The following CPT1C variants were observed in gnomAD, a reference collection of about 807,000 sequenced individuals.
CPT1C encodes the protein palmitoyl thioesterase CPT1C.
Under a neutral mutation model 97.3 loss-of-function variants are expected in CPT1C, and 61 were observed. That is an observed-to-expected ratio of 0.63 (90% CI 0.51 to 0.78). CPT1C has a LOEUF of 0.78. Among genes scored for constraint, CPT1C ranks in the 30% least tolerant of loss-of-function variants. The pLI is 0.00. For missense variants in CPT1C, 975 were observed against 1,065.5 expected (o/e 0.92, Z 1.18); for synonymous variants, 469 against 447.2 (o/e 1.05, Z -0.61).
chr19:49,695,256 A>T (rs1313450353), intron 3 of CPT1C, among the ~76,000 whole-genome samples: 1 of 151,416 alleles, frequency 6.6e-6, no homozygotes. Flanking sequence ...ATATGATAAC[A>T]TTACATGGAG....
At chr19:49,696,036 C>T (rs562006807) in intron 3 of CPT1C, among the ~76,000 whole-genome samples, 1 of 152,148 alleles carries the variant, frequency 6.6e-6, no homozygotes, top group Non-Finnish European at 1.5e-5. Flanking sequence ...ACCACCACGC[C>T]TGGCTAATTT....
Position 49,705,974 on chromosome 19 carries a change from A to G in CPT1C, c.1030A>G (p.Met344Val), listed in dbSNP as rs781266367. ...AVFHRGRFFR[M>V]GTHSRNSLLS... is the part of the protein sequence containing the mutation. ...CTTCCACCGGGGCCGATTCTTCCGC[A>G]TGGGGACCCACTCCCGAAACAGCCT... Residue 344 changes from methionine (M) to valine (V), a missense_variant, in exon 11 of 20, where the codon ATG (methionine) becomes GTG (valine). Met to Val is a conservative substitution (Grantham distance 21, BLOSUM62 1). Coordinates refer to ENST00000598293, the MANE Select transcript of CPT1C (RefSeq NM_001199753.2). 1.9e-6 allele frequency: 3 copies of G among 1,613,910 alleles called. No individual in the cohort carries two copies. The highest frequency in any genetic ancestry group is 1.1e-5 in the South Asian group (1 of 91,062).
rs1455168549 is a variant in CPT1C, at chr19:49,702,082, T to TAA, written c.693+449_693+450insAA. On this transcript the variant is annotated intron_variant, in intron 7 of 19. Coordinates refer to ENST00000598293, the MANE Select transcript of CPT1C (RefSeq NM_001199753.2). ...TATATATTTATTTATAAATTATAAA[T>TAA]ATATATTTATTTATAAATTATAAAT... 1.4e-3 allele frequency among the ~76,000 whole-genome samples: 122 copies of TAA among 87,608 alleles called. 4 individuals carry two copies. The highest frequency in any genetic ancestry group is 1.9e-3 in the African/African-American group (33 of 17,444). 57.5% of individuals were successfully genotyped at this position (87,608 alleles called of 152,430 possible).
At position 49,707,575 on chromosome 19, in the gene CPT1C, C is replaced by T. The variant is rs144722270; in HGVS notation, c.1401C>T (p.Ser467=). The change falls in exon 13 of 20, where the codon AGC becomes AGT. Residue 467 remains serine (S), a synonymous_variant. Coordinates refer to ENST00000598293, the MANE Select transcript of CPT1C (RefSeq NM_001199753.2). ...TCTCTAACGGGAAGCTGGGCCTCAG[C>T]GTGGAGCACTCCTGGGCCGACTGCC... The part of the protein sequence containing the change: ...IVFSNGKLGL[S]VEHSWADCPI... 4,124 of 1,613,920 alleles carry T rather than the reference C, an allele frequency of 2.6e-3. 8 individuals carry two copies. The highest frequency in any genetic ancestry group is 2.9e-3 in the Non-Finnish European group (3,436 of 1,179,916).
chr19:49,708,798 C>A lies in CPT1C; in HGVS notation c.1525C>A (p.Leu509Ile), dbSNP rs751511012. Residue 509 changes from leucine to isoleucine, a missense_variant, in exon 14 of 20, where the codon CTA becomes ATA. Coordinates refer to ENST00000598293, the MANE Select transcript of CPT1C (RefSeq NM_001199753.2). ...GHCKGHPDPT[L>I]PQPQRLQWDL... ...CTGCAAGGGGCACCCGGACCCCACA[C>A]TACCCCAGCCCCAGCGGCTGCAATG... is the stretch of plus-strand genomic sequence containing the variant. 6.2e-7 allele frequency: 1 copy of A among 1,613,908 alleles called. No homozygotes were observed. Among genetic ancestry groups the A allele is most frequent in the Non-Finnish European group, 8.5e-7 (1 of 1,179,920 alleles).
intron 13 of CPT1C, 88 bp downstream of exon 13, chr19:49,707,711 A>G (rs766235121): frequency 2.3e-4 from 198 of 868,772 alleles, no homozygotes; most frequent in Non-Finnish European, 3.1e-4. Context: ...CAGAAGAAAA[A>G]CTGAGGCTTG....
chr19:49,700,519 G>A (rs1193042901), intron 4 of CPT1C, among the ~76,000 whole-genome samples, 165 bp from the exon 5 acceptor site: 1 of 152,166 alleles, frequency 6.6e-6, no homozygotes, highest in Non-Finnish European at 1.5e-5. Context: ...TGCCACAATG[G>A]GAGGGGGCTG....
At position 49,691,416 on chromosome 19, in the gene CPT1C, C is replaced by T. The variant is rs1055792006; in HGVS notation, c.-84+76C>T. 7.9e-5 allele frequency: 12 copies of T among 152,092 alleles called. No individual in the cohort carries two copies. The East Asian group carries it at 9.6e-4, about 12-fold the overall frequency. The allele number at this position is 152,092 out of a possible 1,614,324, so 9.4% of individuals were successfully genotyped here. On this transcript the variant is annotated intron_variant, in intron 1 of 19. Transcript: ENST00000598293. Reference sequence around the variant, plus strand: ...TGTCTAGGGTTGGGCGTGCAAGCCTCTCCATCACTTGTCCTCGACGCTCGC... The same window carrying T: ...TGTCTAGGGTTGGGCGTGCAAGCCTTTCCATCACTTGTCCTCGACGCTCGC...
chr19:49,693,013 C>T (rs1277164636), intron 3 of CPT1C, among the ~76,000 whole-genome samples: 39 of 152,150 alleles, frequency 2.6e-4, no homozygotes, highest in Admixed American at 2.6e-3. Flanking sequence ...CTCAGCCTCC[C>T]GAGTAGCTGG....
chr19:49,698,746 C>T (rs2082819864), intron 4 of CPT1C, among the ~76,000 whole-genome samples: 1 of 151,942 alleles, frequency 6.6e-6, no homozygotes, highest in Non-Finnish European at 1.5e-5. Flanking sequence ...ATTGTCAAGG[C>T]CTTCATCTGT....
Position 49,697,394 on chromosome 19 carries a change from G to T in CPT1C, c.210G>T (p.Gln70His). ...LSWLFLFSAI[Q>H]LAWFLQLDPS... ...GGCTTTTCCTCTTCAGTGCCATCCAGCTTGCCTGGTTCCTCCAGCTGGATC... is the reference window on the plus strand; with the variant it reads ...GGCTTTTCCTCTTCAGTGCCATCCATCTTGCCTGGTTCCTCCAGCTGGATC... Residue 70 changes from glutamine to histidine, a missense_variant, in exon 4 of 20, where the codon CAG becomes CAT. Physicochemically the swap from Gln to His is conservative, Grantham distance 24. Transcript: ENST00000598293. 1 of 1,614,160 alleles carries T rather than the reference G, an allele frequency of 6.2e-7. No homozygotes were observed. The highest frequency in any genetic ancestry group is 8.5e-7 in the Non-Finnish European group (1 of 1,180,026).
In CPT1C at chr19:49,704,747, C is replaced by G. The variant is rs2083404395; in HGVS notation, c.731C>G (p.Ser244Cys). ...TGGGAGGAATTTGTGTACCTGCGCT[C>G]CCGAAATCCGCTGATGGTGAACAGC... ...DWWEEFVYLR[S>C]RNPLMVNSNY... The change falls in exon 8 of 20, where the codon TCC (serine) becomes TGC (cysteine). Residue 244 changes from serine (S) to cysteine (C), a missense_variant. Around this residue, in one of 3 missense-constraint regions of CPT1C, gnomAD observed 596 missense variants for 603.1 expected, o/e 0.99. Coordinates refer to ENST00000598293, the MANE Select transcript of CPT1C (RefSeq NM_001199753.2). 6.2e-7 allele frequency: 1 copy of G among 1,613,928 alleles called. No homozygotes were observed. The highest frequency in any genetic ancestry group is 8.5e-7 in the Non-Finnish European group (1 of 1,180,024).
In CPT1C at chr19:49,702,074, A is replaced by T. The variant is rs1486108922; in HGVS notation, c.693+440A>T. On this transcript the variant is annotated intron_variant, in intron 7 of 19. Transcript: ENST00000598293. ...ATTATAAATATATATTTATTTATAA[A>T]TTATAAATATATATTTATTTATAAA... Among the ~76,000 whole-genome samples, 35 of 98,244 alleles carry T rather than the reference A, an allele frequency of 3.6e-4. 5 individuals are homozygous for T. The highest frequency in any genetic ancestry group is 1.2e-3 in the African/African-American group (21 of 17,526). The allele number at this position is 98,244 out of a possible 152,430, so 64.5% of individuals were successfully genotyped here. A position where few individuals can be genotyped will look rare whatever the true frequency, so the allele number is the denominator to read the frequency against.
chr19:49,711,909 C>T lies in CPT1C; in HGVS notation c.1967C>T (p.Ala656Val), dbSNP rs1363959663. The change falls in exon 17 of 20, where the codon GCG (alanine) becomes GTG (valine). Residue 656 changes from alanine (A) to valine (V), a missense_variant. Physicochemically the swap from Ala to Val is moderately conservative, Grantham distance 64. This residue lies in a region of CPT1C where 344 missense variants were observed against 395.7 expected (regional missense o/e 0.87). Coordinates refer to ENST00000598293, the MANE Select transcript of CPT1C (RefSeq NM_001199753.2). ...CAGGGAGTTGACCGCCACCTGTTTG[C>T]GCTGTACATCGTGTCCCGATTCCTC... is the stretch of plus-strand genomic sequence containing the variant. ...SGQGVDRHLF[A>V]LYIVSRFLHL... 8.7e-6 allele frequency: 14 copies of T among 1,614,160 alleles called. No homozygotes were observed. The highest frequency in any genetic ancestry group is 1.6e-4 in the Middle Eastern group (1 of 6,062).
At chr19:49,708,906 C>A in intron 14 of CPT1C, 67 bp downstream of exon 14, 1 of 999,024 alleles carries the variant, frequency 1.0e-6, no homozygotes, top group Non-Finnish European at 1.6e-6. Context: ...CAAACTCATC[C>A]CCACCCCTAA....
chr19:49,710,673 G>A (rs371961908), intron 15 of CPT1C, 50 bp from the exon 16 acceptor site: 282 of 1,595,468 alleles, frequency 1.8e-4, no homozygotes, highest in Non-Finnish European at 2.3e-4. Flanking sequence ...AAGTCTGTAA[G>A]ATCTCCTGAG....
At chr19:49,708,187 C>T (rs1163943306) in intron 13 of CPT1C, among the ~76,000 whole-genome samples, 1 of 151,122 alleles carries the variant, frequency 6.6e-6, no homozygotes, top group East Asian at 2.0e-4. Flanking sequence ...AGTTACAGAG[C>T]AAGAAGATGA....
At chr19:49,708,032 A>G (rs1419908408) in intron 13 of CPT1C, among the ~76,000 whole-genome samples, 1 of 150,472 alleles carries the variant, frequency 6.6e-6, no homozygotes, top group Non-Finnish European at 1.5e-5. Context: ...AAAAAAGAAA[A>G]GAAAAACTGA....
chr19:49,711,177 T>A, intron 16 of CPT1C: 1 of 181,678 alleles, frequency 5.5e-6, no homozygotes, highest in East Asian at 1.5e-4. Context: ...TACTGCAACC[T>A]CTGCCTCTCA....
Sources: allele counts gnomAD v4.1 joint callset (sites outside exome capture counted in the v4.1 genomes callset), GRCh38; gene constraint gnomAD v4.1.1; regional missense constraint gnomAD v4.1.1; transcripts MANE v1.5; gene names NCBI Gene and HGNC (gene_info 2026-07-23, HGNC 2026-07-21).